The following ZP2 variants were observed in gnomAD, a reference collection of about 807,000 sequenced individuals.
The protein encoded by ZP2 is zona pellucida sperm-binding protein 2.
ZP2 carries 51 observed loss-of-function variants against 84.0 expected under a neutral mutation model. The observed-to-expected ratio is 0.61, with a 90% CI of 0.49 to 0.77. The LOEUF (loss-of-function observed/expected upper bound fraction) is 0.77. Among genes scored for constraint, ZP2 ranks in the 30% least tolerant of loss-of-function variants. The pLI, the probability that ZP2 is intolerant of heterozygous loss-of-function variation, is 0.00. For missense variants in ZP2, 909 were observed against 911.9 expected, an observed-to-expected ratio of 1.00 and a Z score of 0.04; for synonymous variants, 375 against 330.9, an observed-to-expected ratio of 1.13 and a Z score of -1.45.
At chr16:21,205,347 G>T in intron 7 of ZP2, 73 bp downstream of exon 7, 2 of 1,539,066 alleles carry the variant, frequency 1.3e-6, no homozygotes, top group Non-Finnish European at 8.9e-7. Context: ...GTGAAGACAT[G>T]GTTGAGATCA....
intron 14 of ZP2, among the ~76,000 whole-genome samples, 166 bp downstream of exon 14, chr16:21,201,203 C>CA (rs74269334): frequency 0.037 from 4,124 of 112,080 alleles, 84 homozygotes; most frequent in African/African-American, 0.074. Context: ...CATCTCAAAA[C>CA]AAAAAAAAAA....
chr16:21,210,297 G>A (rs1597591309), intron 2 of ZP2, 105 bp from the exon 3 acceptor site: 2 of 876,232 alleles, frequency 2.3e-6, no homozygotes, highest in Non-Finnish European at 3.8e-6. Context: ...GATGAGGGAG[G>A]CAAGAATCGT....
upstream of ZP2, among the ~76,000 whole-genome samples, chr16:21,212,245 A>T (rs903865939): frequency 4.6e-5 from 7 of 152,120 alleles, no homozygotes; most frequent in Admixed American, 4.6e-4. Flanking sequence ...TTTAAGTAAC[A>T]TCTAGTCTTC....
chr16:21,204,488 T>C, intron 7 of ZP2, 84 bp from the exon 8 acceptor site: 7 of 1,094,298 alleles, frequency 6.4e-6, no homozygotes, highest in Non-Finnish European at 8.1e-6. Context: ...CAAGTATATA[T>C]CCAAGTAATG....
At chr16:21,197,964 T>C (rs1198949073) in intron 17 of ZP2, 115 bp from the exon 18 acceptor site, 1 of 989,200 alleles carries the variant, frequency 1.0e-6, no homozygotes, top group Non-Finnish European at 1.6e-6. Context: ...GGTAAGGGTA[T>C]GTGTTAACAG....
chr16:21,199,532 G>T, intron 16 of ZP2, 38 bp downstream of exon 16: 1 of 1,509,244 alleles, frequency 6.6e-7, no homozygotes, highest in South Asian at 1.3e-5. Flanking sequence ...TACTTGCTTT[G>T]AATTAGACTC....
Position 21,203,156 on chromosome 16 carries a change from A to T in ZP2, c.1068T>A (p.Pro356=). The change falls in exon 10 of 19, where the codon CCT becomes CCA. Residue 356 remains proline (P), a synonymous_variant. Transcript: ENST00000574091. Reference sequence around the variant, plus strand: ...AAACGGGTGACTCACAGAGACACTCAGGATAGATCACCATGGATACTGTCT... The same window carrying T: ...AAACGGGTGACTCACAGAGACACTCTGGATAGATCACCATGGATACTGTCT... ...RPETVSMVIY[P]ECLCESPVSI... is the part of the protein sequence containing the mutation. 6.2e-7 allele frequency: 1 copy of T among 1,613,954 alleles called. No individual in the cohort carries two copies. The highest frequency in any genetic ancestry group is 8.5e-7 in the Non-Finnish European group (1 of 1,179,906).
intron 3 of ZP2, 68 bp downstream of exon 3, chr16:21,210,041 A>G: frequency 7.0e-7 from 1 of 1,425,532 alleles, no homozygotes. Flanking sequence ...TGCTCCCCAA[A>G]CAGGATTGAC....
In ZP2 at chr16:21,197,911, CCT is replaced by C; in HGVS notation, c.2012-64_2012-63del. The C allele has an allele frequency of 1.2e-5, 18 of 1,533,296 alleles. No individual in the cohort carries two copies. The Middle Eastern group carries it at 2.4e-3, about 202-fold the overall frequency. 95.0% of individuals were successfully genotyped at this position (1,533,296 alleles called of 1,614,324 possible). A position where few individuals can be genotyped will look rare whatever the true frequency, so the allele number is the denominator to read the frequency against. Reference sequence around the variant, plus strand: ...TGCTAGTCGATGTGGTTAGCTGTCCCCTGAGGGTGTGATCCCACAGGTTGTTC... The same window carrying C: ...TGCTAGTCGATGTGGTTAGCTGTCCCGAGGGTGTGATCCCACAGGTTGTTC... On this transcript the variant is annotated intron_variant, in intron 17 of 18. Transcript: ENST00000574091.
chr16:21,210,311 C>T, intron 2 of ZP2, 119 bp from the exon 3 acceptor site: 1 of 761,460 alleles, frequency 1.3e-6, no homozygotes, highest in Non-Finnish European at 2.3e-6. Context: ...GAATCGTCCC[C>T]TACCCTGGGA....
chr16:21,207,635 A>AACACACACACAC (rs10530241), intron 4 of ZP2, among the ~76,000 whole-genome samples: 4 of 143,752 alleles, frequency 2.8e-5, no homozygotes, highest in Non-Finnish European at 4.5e-5. Flanking sequence ...ATATATATTA[A>AACACACACACAC]ACACACACAC....
chr16:21,210,453 G>A (rs1206476058), intron 2 of ZP2, among the ~76,000 whole-genome samples: 4 of 152,126 alleles, frequency 2.6e-5, no homozygotes, highest in Admixed American at 2.6e-4. Context: ...GTCTGTAGGA[G>A]CCAGGTCAAC....
At chr16:21,203,782 T>C in intron 9 of ZP2, 1 of 553,554 alleles carries the variant, frequency 1.8e-6, no homozygotes, top group Non-Finnish European at 3.2e-6. Flanking sequence ...CTTAGACAGT[T>C]TTAAGACTTA....
At chr16:21,207,853 CAAGAAGATT>C (rs770081618) in intron 4 of ZP2, among the ~76,000 whole-genome samples, 17 of 151,488 alleles carry the variant, frequency 1.1e-4, no homozygotes, top group Non-Finnish European at 2.1e-4. Context: ...GACCCTGTCT[CAAGAAGATT>C]AAGAAGATAA....
chr16:21,209,099 G>A (rs1053933021), intron 4 of ZP2, among the ~76,000 whole-genome samples: 1 of 152,176 alleles, frequency 6.6e-6, no homozygotes, highest in Non-Finnish European at 1.5e-5. Flanking sequence ...GATGCCAGTA[G>A]TAGCTCTTCT....
intron 17 of ZP2, among the ~76,000 whole-genome samples, chr16:21,198,282 A>T (rs1484130181): frequency 2.0e-5 from 3 of 151,888 alleles, no homozygotes; most frequent in Admixed American, 2.0e-4. Flanking sequence ...GTAATCCCTG[A>T]TACTCGGGAG....
upstream of ZP2, among the ~76,000 whole-genome samples, chr16:21,211,915 G>A (rs2093276955): frequency 6.7e-6 from 1 of 150,050 alleles, no homozygotes; most frequent in South Asian, 2.1e-4. Flanking sequence ...AACAAGTCTT[G>A]TTCACACCAC....
At chr16:21,198,657 A>T in intron 17 of ZP2, 122 bp downstream of exon 17, 1 of 747,674 alleles carries the variant, frequency 1.3e-6, no homozygotes, top group Non-Finnish European at 2.2e-6. Context: ...GAAGAGACTT[A>T]GTCTTTTATT....
At chr16:21,198,590 G>A (rs930591384) in intron 17 of ZP2, among the ~76,000 whole-genome samples, 189 bp downstream of exon 17, 8 of 152,182 alleles carry the variant, frequency 5.3e-5, no homozygotes, top group African/African-American at 1.9e-4. Context: ...GATCCTACTT[G>A]TGTTGAAGTG....
Sources: gnomAD v4.1 joint callset for allele counts (sites outside exome capture counted in the v4.1 genomes callset) on GRCh38, gnomAD v4.1.1 for gene constraint, MANE v1.5 for transcripts, NCBI Gene and HGNC (gene_info 2026-07-23, HGNC 2026-07-21) for gene names.